Variants in PDE11A observed in about 807,000 individuals in gnomAD.
The protein encoded by PDE11A is dual 3',5'-cyclic-AMP and -GMP phosphodiesterase 11A.
Under a neutral mutation model 100.5 loss-of-function variants are expected in PDE11A, and 100 were observed. That is an observed-to-expected ratio of 1.00 (90% confidence interval 0.85 to 1.18). The LOEUF is 1.18. PDE11A is among the 50% of genes most tolerant of loss of function. The pLI is 0.00. For synonymous variants in PDE11A, 381 were observed against 420.8 expected (o/e 0.91, Z 1.16); for missense variants, 1,141 against 1,152.6 (o/e 0.99, Z 0.15).
At chr2:177,714,533 G>A (rs1490483656) in intron 12 of PDE11A, among the ~76,000 whole-genome samples, 1 of 152,134 alleles carries the variant, frequency 6.6e-6, no homozygotes, top group African/African-American at 2.4e-5. Flanking sequence ...GTGCATAGCA[G>A]AAGGGAGCAA....
chr2:178,030,978 A>G (rs944287371), intron 1 of PDE11A, among the ~76,000 whole-genome samples: 1 of 152,204 alleles, frequency 6.6e-6, no homozygotes, highest in African/African-American at 2.4e-5. Flanking sequence ...AAAAAAGATC[A>G]CTTTTTATAA....
At chr2:177,993,368 C>CTT (rs34473216) in intron 2 of PDE11A, among the ~76,000 whole-genome samples, 8,445 of 150,362 alleles carry the variant, frequency 0.056, 293 homozygotes, top group South Asian at 0.093. Context: ...TATTTTTCTT[C>CTT]TTTTTAAAAA....
chr2:177,812,572 T>C (rs1368938726), intron 9 of PDE11A, among the ~76,000 whole-genome samples: 1 of 152,118 alleles, frequency 6.6e-6, no homozygotes, highest in East Asian at 1.9e-4. Flanking sequence ...TATTTCAACT[T>C]GTTCAAGCAG....
chr2:177,957,774 A>G (rs1294679988), intron 2 of PDE11A, among the ~76,000 whole-genome samples: 1 of 152,184 alleles, frequency 6.6e-6, no homozygotes, highest in African/African-American at 2.4e-5. Flanking sequence ...AATAAACAAG[A>G]GCAATACATG....
intron 19 of PDE11A, among the ~76,000 whole-genome samples, chr2:177,634,270 T>C (rs2079998244): frequency 6.6e-6 from 1 of 152,200 alleles, no homozygotes; most frequent in Non-Finnish European, 1.5e-5. Context: ...TTTCTCTTTG[T>C]TTTATATTCT....
chr2:177,910,988 G>A (rs2084872764), intron 2 of PDE11A, among the ~76,000 whole-genome samples: 1 of 152,192 alleles, frequency 6.6e-6, no homozygotes, highest in Non-Finnish European at 1.5e-5. Context: ...ACAGCTTGAA[G>A]AGCCACATCA....
chr2:177,711,812 G>A lies in PDE11A; in HGVS notation c.2110C>T (p.His704Tyr). 2 of 1,611,322 alleles carry A rather than the reference G, an allele frequency of 1.2e-6. No individual in the cohort carries two copies. Among genetic ancestry groups the A allele is most frequent in the Non-Finnish European group, 1.7e-6 (2 of 1,177,472 alleles). ...ILAVIVGCLC[H>Y]DLDHRGTNNA... ...TTGGTTCCCCTGTGGTCGAGGTCAT[G>A]ACACAGGCATCCCACAATCACCGCT... The change falls in exon 13 of 20, where the codon CAT becomes TAT. Residue 704 changes from histidine (H) to tyrosine (Y), a missense_variant. Physicochemically the swap from His to Tyr is moderately conservative, Grantham distance 83. Transcript: ENST00000286063.
intron 2 of PDE11A, among the ~76,000 whole-genome samples, chr2:177,939,236 C>T (rs2085314527): frequency 1.3e-5 from 2 of 151,774 alleles, no homozygotes; most frequent in Non-Finnish European, 2.9e-5. Context: ...AAAAGGAGAG[C>T]CAAGCAGACA....
intron 2 of PDE11A, among the ~76,000 whole-genome samples, chr2:177,938,506 T>G (rs1393428467): frequency 6.6e-6 from 1 of 152,144 alleles, no homozygotes; most frequent in Non-Finnish European, 1.5e-5. Context: ...CAGAAGCTTC[T>G]CGGCAGCCTC....
intron 1 of PDE11A, among the ~76,000 whole-genome samples, chr2:178,046,291 G>A (rs6433709): frequency 0.29 from 44,219 of 152,004 alleles, 6,583 homozygotes; most frequent in Non-Finnish European, 0.31. Context: ...CTGATCCTTT[G>A]AGGACTATAA....
At chr2:177,792,733 A>G (rs191703674) in intron 9 of PDE11A, among the ~76,000 whole-genome samples, 144 of 152,354 alleles carry the variant, frequency 9.5e-4, no homozygotes, top group African/African-American at 3.3e-3. Context: ...GTTGCTGGCC[A>G]TGGAGATCAG....
intron 15 of PDE11A, among the ~76,000 whole-genome samples, chr2:177,692,843 G>T (rs556512294): frequency 6.6e-6 from 1 of 152,260 alleles, no homozygotes; most frequent in South Asian, 2.1e-4. Context: ...AGTTTTTGTG[G>T]ATGTTTTGAA....
At chr2:177,871,737 G>A (rs1034454626) in intron 5 of PDE11A, among the ~76,000 whole-genome samples, 2 of 151,754 alleles carry the variant, frequency 1.3e-5, no homozygotes, top group African/African-American at 4.8e-5. Flanking sequence ...GCATGCACTT[G>A]CAGTCCTAGC....
intron 19 of PDE11A, among the ~76,000 whole-genome samples, chr2:177,630,499 G>T (rs983538535): frequency 2.0e-5 from 3 of 152,116 alleles, no homozygotes; most frequent in Non-Finnish European, 4.4e-5. Context: ...GGGCAGGGCC[G>T]AGGATTTTGT....
intron 9 of PDE11A, among the ~76,000 whole-genome samples, chr2:177,791,727 A>G (rs573414299): frequency 6.6e-6 from 1 of 152,144 alleles, no homozygotes; most frequent in African/African-American, 2.4e-5. Context: ...TATTGTTTAT[A>G]TTTAACATAC....
intron 10 of PDE11A, among the ~76,000 whole-genome samples, chr2:177,768,267 G>A (rs570884703): frequency 4.6e-5 from 7 of 152,034 alleles, no homozygotes; most frequent in African/African-American, 7.2e-5. Context: ...TCATTCATGC[G>A]CTTGTGTTTG....
At chr2:177,891,744 T>C (rs2084532758) in intron 4 of PDE11A, among the ~76,000 whole-genome samples, 1 of 152,242 alleles carries the variant, frequency 6.6e-6, no homozygotes, top group African/African-American at 2.4e-5. Context: ...TAAAGTTTTA[T>C]TGCAACACAG....
intron 6 of PDE11A, among the ~76,000 whole-genome samples, chr2:177,824,399 A>G (rs2083194736): frequency 6.6e-6 from 1 of 152,242 alleles, no homozygotes; most frequent in Non-Finnish European, 1.5e-5. Flanking sequence ...TTTGGGGAAC[A>G]CAATATTTAG....
chr2:178,087,280 G>A (rs1023438376), intron 2 of PDE11A, among the ~76,000 whole-genome samples: 10 of 151,598 alleles, frequency 6.6e-5, no homozygotes, highest in African/African-American at 2.4e-4. Context: ...TTGAACCTGG[G>A]AGGCAGAGGT....
Sources: gnomAD v4.1 joint callset for allele counts (sites outside exome capture counted in the v4.1 genomes callset) on GRCh38, gnomAD v4.1.1 for gene constraint, MANE v1.5 for transcripts, NCBI Gene and HGNC (gene_info 2026-07-23, HGNC 2026-07-21) for gene names.